HECTD2: variants seen among roughly 807,000 people sequenced by gnomAD.
HECTD2 encodes HECT domain E3 ubiquitin protein ligase 2.
In HECTD2, 35 loss-of-function variants were observed where a neutral mutation model predicts 103.2. The ratio of observed to expected loss-of-function variants is 0.34; its 90% CI spans 0.26 to 0.45. HECTD2 has a LOEUF of 0.45. Among genes scored for constraint, HECTD2 ranks in the 20% least tolerant of loss-of-function variants. HECTD2 has a pLI of 1.00. For synonymous variants in HECTD2, 281 were observed against 329.9 expected, an observed-to-expected ratio of 0.85 and a Z score of 1.61; for missense variants, 596 against 937.4, an observed-to-expected ratio of 0.64 and a Z score of 4.76.
intron 20 of HECTD2, among the ~76,000 whole-genome samples, chr10:91,508,518 A>G (rs1167897803): frequency 2.0e-5 from 3 of 151,348 alleles, no homozygotes; most frequent in Non-Finnish European, 4.4e-5. Flanking sequence ...AAAACACATG[A>G]AAAAATGCTC....
chr10:91,435,476 G>T (rs1178944040), intron 2 of HECTD2, among the ~76,000 whole-genome samples: 7 of 151,974 alleles, frequency 4.6e-5, no homozygotes, highest in Non-Finnish European at 1.0e-4. Context: ...TGTACATTCT[G>T]TCTTCAGTTA....
intron 2 of HECTD2, among the ~76,000 whole-genome samples, chr10:91,451,408 ATACT>A (rs1358935133): frequency 2.0e-5 from 3 of 152,120 alleles, no homozygotes; most frequent in Admixed American, 2.0e-4. Context: ...ATTAGGAGAA[ATACT>A]TAATGTAGAT....
At chr10:91,476,669 C>T (rs1174722599) in intron 5 of HECTD2, among the ~76,000 whole-genome samples, 3 of 152,214 alleles carry the variant, frequency 2.0e-5, no homozygotes, top group African/African-American at 4.8e-5. Flanking sequence ...GAGATGCTTG[C>T]CCTATCCTGT....
chr10:91,427,094 T>C (rs1843598426), intron 2 of HECTD2, among the ~76,000 whole-genome samples: 2 of 146,736 alleles, frequency 1.4e-5, no homozygotes, highest in Admixed American at 7.0e-5. Context: ...AGTGAGAACA[T>C]GCGGTGTTTG....
At position 91,501,315 on chromosome 10, in the gene HECTD2, A is replaced by G; in HGVS notation, c.2191A>G (p.Asn731Asp). Residue 731 changes from asparagine to aspartate, a missense_variant, in exon 20 of 21, where the codon AAT becomes GAT. Transcript: ENST00000298068. ...TGATTTGAACTTTAAAATCTCAAAG[A>G]ATGAAACTTCTACTAACTGGTAAAT... ...MADLNFKISK[N>D]ETSTNCLPVA... 6.3e-7 allele frequency: 1 copy of G among 1,598,472 alleles called. No homozygotes were observed. Among genetic ancestry groups the G allele is most frequent in the Non-Finnish European group, 8.5e-7 (1 of 1,172,570 alleles).
chr10:91,485,049 G>T, intron 9 of HECTD2, 131 bp from the exon 10 acceptor site: 3 of 581,290 alleles, frequency 5.2e-6, no homozygotes, highest in South Asian at 6.8e-5. Flanking sequence ...CTTTCATTTG[G>T]AGCTACATTT....
chr10:91,430,334 G>T (rs1210775431), intron 2 of HECTD2, among the ~76,000 whole-genome samples: 1 of 152,128 alleles, frequency 6.6e-6, no homozygotes, highest in Non-Finnish European at 1.5e-5. Context: ...GTGGTGTGGT[G>T]CTGAAAAAAA....
chr10:91,486,773 A>G (rs1403597949), intron 10 of HECTD2: 2 of 152,182 alleles, frequency 1.3e-5, no homozygotes, highest in African/African-American at 4.8e-5. Context: ...CAAAATAATT[A>G]TATACCAGTA....
At chr10:91,496,163 T>C (rs1229913005) in intron 14 of HECTD2, 51 bp from the exon 15 acceptor site, 10 of 1,327,148 alleles carry the variant, frequency 7.5e-6, no homozygotes, top group Non-Finnish European at 1.0e-5. Context: ...AATTCAGAAC[T>C]CATTTGTTGT....
At chr10:91,486,918 A>G (rs11186584) in intron 10 of HECTD2, 30,511 of 152,010 alleles carry the variant, frequency 0.2, 7,271 homozygotes, top group African/African-American at 0.58. Context: ...CCACCTGACT[A>G]TGCTCAGAGG....
At position 91,415,434 on chromosome 10, in the gene HECTD2, G is replaced by A. The variant is rs540998723; in HGVS notation, c.138+4858G>A. 1.9e-4 allele frequency among the ~76,000 whole-genome samples: 29 copies of A among 152,272 alleles called. No individual in the cohort carries two copies. The South Asian group carries it at 4.6e-3, about 24-fold the overall frequency. On this transcript the variant is annotated intron_variant, in intron 1 of 20. Transcript: ENST00000298068. ...TAACAATAATAGCTACTTATTGAGT[G>A]CCTACTCTGTGCTAAGCATTTGCCA... is the stretch of plus-strand genomic sequence containing the variant.
At chr10:91,445,845 A>G (rs1844586608) in intron 2 of HECTD2, among the ~76,000 whole-genome samples, 1 of 151,964 alleles carries the variant, frequency 6.6e-6, no homozygotes, top group African/African-American at 2.4e-5. Flanking sequence ...GGAACGGTGC[A>G]CTCCGGCCCA....
intron 5 of HECTD2, among the ~76,000 whole-genome samples, chr10:91,470,837 C>T (rs1173851850): frequency 4.6e-5 from 7 of 152,006 alleles, no homozygotes; most frequent in Non-Finnish European, 8.8e-5. Flanking sequence ...GATTCACGGC[C>T]GAATTCTACC....
chr10:91,440,217 G>C (rs1304026906), intron 2 of HECTD2, among the ~76,000 whole-genome samples: 3 of 152,096 alleles, frequency 2.0e-5, no homozygotes, highest in Non-Finnish European at 4.4e-5. Context: ...CTGCGGCTTT[G>C]TCATAAATAG....
intron 5 of HECTD2, chr10:91,462,691 A>G (rs1589511239): frequency 5.1e-6 from 5 of 989,270 alleles, no homozygotes; most frequent in Admixed American, 6.1e-5. Context: ...ATCCAGATGC[A>G]TATTTGAAGG....
chr10:91,458,626 ATTCAATGAAGGAAAAATAACCTT>A (rs1241811352), intron 2 of HECTD2, among the ~76,000 whole-genome samples: 2 of 152,024 alleles, frequency 1.3e-5, no homozygotes, highest in South Asian at 2.1e-4. Context: ...TCCAAAAGCA[ATTCAATGAAGGAAAAATAACCTT>A]TTCAATAAAT....
chr10:91,432,914 G>GT (rs1418221340), intron 2 of HECTD2, among the ~76,000 whole-genome samples: 1 of 151,976 alleles, frequency 6.6e-6, no homozygotes, highest in African/African-American at 2.4e-5. Flanking sequence ...GGATCTGTGT[G>GT]TGAGTCCTGT....
At chr10:91,482,135 C>T (rs1235564605) in intron 7 of HECTD2, among the ~76,000 whole-genome samples, 1 of 151,834 alleles carries the variant, frequency 6.6e-6, no homozygotes, top group Non-Finnish European at 1.5e-5. Context: ...ATAAGCTCTG[C>T]TCATATTTTG....
upstream of HECTD2, among the ~76,000 whole-genome samples, chr10:91,409,875 G>T (rs995536984): frequency 6.6e-6 from 1 of 152,164 alleles, no homozygotes; most frequent in African/African-American, 2.4e-5. Context: ...GCGCTTGCCC[G>T]CGGGACTCGG....
Sources: gnomAD v4.1 joint callset for allele counts (sites outside exome capture counted in the v4.1 genomes callset) on GRCh38, gnomAD v4.1.1 for gene constraint, MANE v1.5 for transcripts, NCBI Gene and HGNC (gene_info 2026-07-23, HGNC 2026-07-21) for gene names.